Variants in UTP18 observed in about 807,000 individuals in gnomAD.
The protein encoded by UTP18 is UTP18 small subunit processome component.
UTP18 carries 36 observed loss-of-function variants against 61.1 expected under a neutral mutation model. The ratio of observed to expected loss-of-function variants is 0.59; its 90% CI spans 0.45 to 0.78. The LOEUF is 0.78. UTP18 is among the 30% of genes least tolerant of loss of function. The pLI, the probability that UTP18 is intolerant of heterozygous loss-of-function variation, is 0.00. For synonymous variants in UTP18, 282 were observed against 251.1 expected (o/e 1.12, Z -1.16); for missense variants, 753 against 693.9 (o/e 1.09, Z -0.96).
intron 10 of UTP18, 34 bp from the exon 11 acceptor site, chr17:51,287,995 T>C (rs1341223617): frequency 6.7e-7 from 1 of 1,482,686 alleles, no homozygotes; most frequent in Non-Finnish European, 9.0e-7. Context: ...TTTTACTTGG[T>C]TTTTAATCTA....
Position 51,260,880 on chromosome 17 carries a change from T to C in UTP18, c.296T>C (p.Val99Ala). The C allele has an allele frequency of 6.2e-7, 1 of 1,600,598 alleles. No homozygotes were observed. Among genetic ancestry groups the C allele is most frequent in the South Asian group, 1.1e-5 (1 of 89,262 alleles). Reference protein sequence around the residue: ...RCLEELVFGDVENDEDALLRR... With the variant: ...RCLEELVFGDAENDEDALLRR... ...TTGGAGGAGCTGGTCTTCGGCGACG[T>C]CGAGAACGACGAGGACGCGTTGCTG... The change falls in exon 1 of 14, where the codon GTC (valine) becomes GCC (alanine). Residue 99 changes from valine (V) to alanine (A), a missense_variant. Physicochemically the swap from Val to Ala is moderately conservative, Grantham distance 64. Coordinates refer to ENST00000225298, the MANE Select transcript of UTP18 (RefSeq NM_016001.3).
chr17:51,263,253 A>G (rs765472408), intron 1 of UTP18, 21 bp from the exon 2 acceptor site: 4 of 1,603,338 alleles, frequency 2.5e-6, no homozygotes, highest in Non-Finnish European at 3.4e-6. Flanking sequence ...TCAGTGCTTG[A>G]GGGTGTTTTG....
At chr17:51,295,395 C>T (rs529022371) in intron 12 of UTP18, among the ~76,000 whole-genome samples, 1 of 151,962 alleles carries the variant, frequency 6.6e-6, no homozygotes, top group African/African-American at 2.4e-5. Context: ...AAGGAAGGGA[C>T]CCAGTTTCAG....
chr17:51,265,506 G>A (rs906744297), intron 2 of UTP18, among the ~76,000 whole-genome samples: 22 of 149,012 alleles, frequency 1.5e-4, no homozygotes, highest in South Asian at 4.2e-4. Context: ...TCAGTGATCC[G>A]CCTGTGTCTG....
chr17:51,297,917 CA>C lies in UTP18; in HGVS notation c.*151del, dbSNP rs760766769. 3.3e-6 allele frequency: 1 copy of C among 299,456 alleles called. No homozygotes were observed. Among genetic ancestry groups the C allele is most frequent in the Non-Finnish European group, 6.3e-6 (1 of 158,312 alleles). The allele number at this position is 299,456 out of a possible 1,614,324, so 18.5% of individuals were successfully genotyped here. ...CAGTAATGTCTTAATAAACATGTGG[CA>C]GCTTTTGTTTGAAAATAAGTGTATC... On this transcript the variant is annotated 3_prime_UTR_variant, in exon 14 of 14. Transcript: ENST00000225298.
chr17:51,280,217 C>A, intron 8 of UTP18, 112 bp downstream of exon 8: 1 of 1,316,748 alleles, frequency 7.6e-7, no homozygotes, highest in Non-Finnish European at 1.1e-6. Context: ...TAGAGGAGCA[C>A]AGGTGGGACT....
intron 11 of UTP18, among the ~76,000 whole-genome samples, chr17:51,292,200 A>C (rs1055316184): frequency 7.2e-5 from 11 of 152,212 alleles, no homozygotes; most frequent in African/African-American, 2.7e-4. Context: ...TGCTTGAAAA[A>C]ATATATATAC....
intron 11 of UTP18, among the ~76,000 whole-genome samples, chr17:51,292,687 G>A (rs1053945168): frequency 6.6e-5 from 10 of 152,218 alleles, no homozygotes; most frequent in African/African-American, 1.9e-4. Context: ...CTGAAAGTGA[G>A]TGTTGTTACA....
rs546596624 is a variant in UTP18 at position 51,294,112 on chromosome 17, C to T, written c.1646+67C>T. Reference sequence around the variant, plus strand: ...CTACTTCTGACAGTATGAAGAGATACTATATATTCCTAATTCTACAGTTAA... The same window carrying T: ...CTACTTCTGACAGTATGAAGAGATATTATATATTCCTAATTCTACAGTTAA... On this transcript the variant is annotated intron_variant, in intron 12 of 13. Coordinates refer to ENST00000225298, the MANE Select transcript of UTP18 (RefSeq NM_016001.3). The T allele has an allele frequency of 2.3e-4, 290 of 1,264,612 alleles. 2 individuals carry two copies. Among genetic ancestry groups the T allele is most frequent in the Middle Eastern group, 1.4e-3 (5 of 3,680 alleles). 78.3% of individuals were successfully genotyped at this position (1,264,612 alleles called of 1,614,324 possible).
chr17:51,271,750 C>G (rs1423129904), intron 4 of UTP18, among the ~76,000 whole-genome samples: 1 of 151,940 alleles, frequency 6.6e-6, no homozygotes, highest in East Asian at 1.9e-4. Context: ...TCACTGCGAC[C>G]TCTGCCTCCT....
rs1332484307 is a variant in UTP18, at chr17:51,266,198, A to G, written c.472A>G (p.Asn158Asp). 2 of 1,595,056 alleles carry G rather than the reference A, an allele frequency of 1.3e-6. No homozygotes were observed. Among genetic ancestry groups the G allele is most frequent in the East Asian group, 2.3e-5 (1 of 43,642 alleles). Reference protein sequence around the residue: ...EDEEMVDMMNNRFRKDMMKNA... With the variant: ...EDEEMVDMMNDRFRKDMMKNA... ...TTTTTGTAGGGTTGACATGATGAAC[A>G]ATCGGTTTCGGAAGGATATGATGAA... The change falls in exon 3 of 14, where the codon AAT becomes GAT. Residue 158 changes from asparagine to aspartate, a missense_variant. Transcript: ENST00000225298.
chr17:51,288,894 A>G (rs1173279878), intron 11 of UTP18, among the ~76,000 whole-genome samples: 1 of 152,224 alleles, frequency 6.6e-6, no homozygotes, highest in African/African-American at 2.4e-5. Flanking sequence ...TCCTCCAGTA[A>G]TGAGTTGTAA....
chr17:51,275,733 T>A (rs76719651), intron 5 of UTP18, 133 bp from the exon 6 acceptor site: 2 of 884,282 alleles, frequency 2.3e-6, no homozygotes, highest in Non-Finnish European at 3.0e-6. Context: ...TTTTTTTTTT[T>A]GAGTTGTGTT....
intron 10 of UTP18, among the ~76,000 whole-genome samples, chr17:51,287,329 T>C (rs1371207951): frequency 2.6e-5 from 4 of 152,182 alleles, no homozygotes. Flanking sequence ...TTTAAGCTTT[T>C]AGAAGAGGAA....
chr17:51,271,377 G>C (rs946465511), intron 4 of UTP18, among the ~76,000 whole-genome samples: 87 of 151,798 alleles, frequency 5.7e-4, no homozygotes, highest in Admixed American at 2.6e-4. Context: ...CGTGATCTTG[G>C]CTCACTGTAG....
At position 51,275,846 on chromosome 17, in the gene UTP18, C is replaced by G; in HGVS notation, c.712-20C>G. On this transcript the variant is annotated intron_variant, in intron 5 of 13. Transcript: ENST00000225298. ...TTTATTCATTTCAATTGATAAAATC[C>G]CAGCTTTCATTTCCTATAGATGAAG... 6.3e-7 allele frequency: 1 copy of G among 1,575,908 alleles called. No homozygotes were observed. Among genetic ancestry groups the G allele is most frequent in the Non-Finnish European group, 8.6e-7 (1 of 1,166,288 alleles).
chr17:51,263,027 C>T (rs867102931), intron 1 of UTP18, among the ~76,000 whole-genome samples: 1 of 152,228 alleles, frequency 6.6e-6, no homozygotes, highest in African/African-American at 2.4e-5. Context: ...TTCCTTCCTG[C>T]GTGTTGAGTG....
At chr17:51,296,833 C>A in intron 12 of UTP18, 132 bp from the exon 13 acceptor site, 1 of 800,116 alleles carries the variant, frequency 1.2e-6, no homozygotes, top group Non-Finnish European at 2.0e-6. Context: ...CTGAACCTAA[C>A]TGCCTGGTGT....
In UTP18 at chr17:51,293,979, T is replaced by C. The variant is rs775728015; in HGVS notation, c.1580T>C (p.Met527Thr). ...AAGAATATTTCTCATGTTCATACCATGGATTTTTCTCCGAGAAGTGGATAC... is the reference window on the plus strand; with the variant it reads ...AAGAATATTTCTCATGTTCATACCACGGATTTTTCTCCGAGAAGTGGATAC... ...KNKNISHVHT[M>T]DFSPRSGYFA... is the part of the protein sequence containing the mutation. Residue 527 changes from methionine to threonine, a missense_variant, in exon 12 of 14, where the codon ATG becomes ACG. Met to Thr is a moderately conservative substitution (Grantham distance 81, BLOSUM62 -1). Transcript: ENST00000225298. 5.6e-6 allele frequency: 9 copies of C among 1,610,862 alleles called. No homozygotes were observed. Among genetic ancestry groups the C allele is most frequent in the Non-Finnish European group, 7.6e-6 (9 of 1,178,498 alleles).
Sources: gnomAD v4.1 joint callset for allele counts (sites outside exome capture counted in the v4.1 genomes callset) on GRCh38, gnomAD v4.1.1 for gene constraint, MANE v1.5 for transcripts, NCBI Gene and HGNC (gene_info 2026-07-23, HGNC 2026-07-21) for gene names.